Variants in DYM observed in about 807,000 individuals in gnomAD.
The protein encoded by DYM is dymeclin.
A neutral mutation model predicts 93.1 loss-of-function variants in DYM; 78 were observed. The ratio of observed to expected loss-of-function variants is 0.84; its 90% CI spans 0.70 to 1.01. The LOEUF (loss-of-function observed/expected upper bound fraction) is 1.01, where lower values mean the gene tolerates loss of function less well. DYM is among the 50% of genes least tolerant of loss of function. DYM has a pLI of 0.00. For synonymous variants in DYM, 321 were observed against 319.7 expected, an observed-to-expected ratio of 1.00 and a Z score of -0.04; for missense variants, 789 against 845.0, an observed-to-expected ratio of 0.93 and a Z score of 0.82.
intron 14 of DYM, among the ~76,000 whole-genome samples, chr18:49,188,583 G>T (rs1487207000): frequency 6.6e-6 from 1 of 151,996 alleles, no homozygotes; most frequent in Admixed American, 6.5e-5. Flanking sequence ...GCAAACTATC[G>T]CAAGGACAAA....
intron 10 of DYM, among the ~76,000 whole-genome samples, chr18:49,277,693 A>C (rs2094878879): frequency 6.6e-6 from 1 of 152,220 alleles, no homozygotes; most frequent in Non-Finnish European, 1.5e-5. Flanking sequence ...ACCAGTAAGC[A>C]GGTCTGCACC....
At chr18:49,056,868 T>C (rs546268348) in intron 17 of DYM, among the ~76,000 whole-genome samples, 11 of 152,338 alleles carry the variant, frequency 7.2e-5, no homozygotes, top group African/African-American at 2.6e-4. Context: ...ATTTTTGTAT[T>C]TTTTGTAAAG....
intron 15 of DYM, among the ~76,000 whole-genome samples, chr18:49,149,104 T>C (rs1316522142): frequency 6.6e-6 from 1 of 152,154 alleles, no homozygotes; most frequent in East Asian, 1.9e-4. Context: ...ATAAGGCATG[T>C]GTAACCTAGA....
At chr18:49,358,135 G>GT in intron 6 of DYM, among the ~76,000 whole-genome samples, 1 of 152,286 alleles carries the variant, frequency 6.6e-6, no homozygotes, top group South Asian at 2.1e-4. Flanking sequence ...GGGTGACAGA[G>GT]TGGGAATCCC....
intron 14 of DYM, among the ~76,000 whole-genome samples, chr18:49,197,480 T>C (rs932851219): frequency 4.6e-5 from 7 of 152,076 alleles, no homozygotes; most frequent in Non-Finnish European, 7.4e-5. Flanking sequence ...AAAATGTGCC[T>C]TCTACTCTCC....
chr18:49,381,476 C>T (rs1349521392), intron 3 of DYM, among the ~76,000 whole-genome samples: 1 of 152,152 alleles, frequency 6.6e-6, no homozygotes, highest in Admixed American at 6.5e-5. Context: ...CTATTCCAAG[C>T]GTGGCTCATG....
chr18:49,343,109 A>G (rs752096844), intron 6 of DYM, among the ~76,000 whole-genome samples: 2 of 152,248 alleles, frequency 1.3e-5, no homozygotes, highest in Non-Finnish European at 2.9e-5. Flanking sequence ...GATAGTTCTT[A>G]TAACCACAAA....
chr18:49,146,446 C>T (rs962792472), intron 15 of DYM, among the ~76,000 whole-genome samples: 6 of 152,206 alleles, frequency 3.9e-5, no homozygotes, highest in African/African-American at 1.4e-4. Context: ...CTAGAAAACC[C>T]CATTGTCTCA....
intron 6 of DYM, among the ~76,000 whole-genome samples, chr18:49,362,413 C>T (rs1008951363): frequency 7.2e-5 from 11 of 152,070 alleles, no homozygotes; most frequent in African/African-American, 2.7e-4. Flanking sequence ...TGACAGAAGC[C>T]CAGTTACAGC....
chr18:49,401,917 T>G (rs1317334834), intron 2 of DYM, among the ~76,000 whole-genome samples: 1 of 151,656 alleles, frequency 6.6e-6, no homozygotes, highest in Non-Finnish European at 1.5e-5. Context: ...TCCCAGCTAC[T>G]TGGGAGACTG....
intron 16 of DYM, among the ~76,000 whole-genome samples, chr18:49,112,876 T>C (rs1272979209): frequency 6.6e-6 from 1 of 152,190 alleles, no homozygotes; most frequent in African/African-American, 2.4e-5. Flanking sequence ...CCCAGATAGC[T>C]GCATAGCTCA....
chr18:49,107,819 G>C lies in DYM; in HGVS notation c.1912-10304C>G, dbSNP rs369448581. On this transcript the variant is annotated intron_variant, in intron 16 of 17. Coordinates refer to ENST00000675505, the MANE Select transcript of DYM (RefSeq NM_001353214.3). Reference sequence around the variant, plus strand: ...TGTGAAGTGTCAGTCTGCCCCTACTGGGGGGTGCCTCCCAGTTAGGCTACT... The same window carrying C: ...TGTGAAGTGTCAGTCTGCCCCTACTCGGGGGTGCCTCCCAGTTAGGCTACT... Among the ~76,000 whole-genome samples the C allele has an allele frequency of 1.8e-4, 28 of 152,294 alleles. No homozygotes were observed. In the East Asian group the frequency reaches 3.3e-3, roughly 18 times the overall value.
At chr18:49,256,642 A>G (rs1368505853) in intron 13 of DYM, among the ~76,000 whole-genome samples, 1 of 152,248 alleles carries the variant, frequency 6.6e-6, no homozygotes, top group Non-Finnish European at 1.5e-5. Context: ...CTGCTATAAA[A>G]ATTCTCTAAA....
chr18:49,094,507 G>A (rs1013342179), intron 17 of DYM, among the ~76,000 whole-genome samples: 6 of 152,096 alleles, frequency 3.9e-5, no homozygotes, highest in Non-Finnish European at 7.4e-5. Flanking sequence ...ATAATTACCT[G>A]GTATTGCCTT....
At chr18:49,394,643 T>G (rs747986385) in intron 2 of DYM, among the ~76,000 whole-genome samples, 4 of 152,234 alleles carry the variant, frequency 2.6e-5, no homozygotes, top group African/African-American at 4.8e-5. Context: ...TAACAATATT[T>G]ATTCTTCCGA....
At chr18:49,168,836 G>A (rs1325223011) in intron 14 of DYM, among the ~76,000 whole-genome samples, 1 of 152,130 alleles carries the variant, frequency 6.6e-6, no homozygotes, top group Non-Finnish European at 1.5e-5. Context: ...AAGGTTAGAG[G>A]ACTTGCTATT....
chr18:49,383,406 T>C (rs1259377762), intron 3 of DYM, among the ~76,000 whole-genome samples: 1 of 152,046 alleles, frequency 6.6e-6, no homozygotes, highest in Admixed American at 6.6e-5. Context: ...ACTTCCAAAT[T>C]CCCTCATACC....
intron 15 of DYM, among the ~76,000 whole-genome samples, chr18:49,153,583 A>G (rs1436600114): frequency 6.6e-6 from 1 of 152,228 alleles, no homozygotes; most frequent in Non-Finnish European, 1.5e-5. Context: ...AGAGCTCCCA[A>G]TGGCCAAAGC....
intron 11 of DYM, among the ~76,000 whole-genome samples, chr18:49,267,874 G>A (rs1477435003): frequency 2.0e-5 from 3 of 152,020 alleles, no homozygotes; most frequent in African/African-American, 7.2e-5. Flanking sequence ...TCTGGCCTGG[G>A]AGACAAAGCG....
Sources: gnomAD v4.1 joint callset for allele counts (sites outside exome capture counted in the v4.1 genomes callset) on GRCh38, gnomAD v4.1.1 for gene constraint, MANE v1.5 for transcripts, NCBI Gene and HGNC (gene_info 2026-07-23, HGNC 2026-07-21) for gene names.